The following RRM2B variants were observed in gnomAD, a reference collection of about 807,000 sequenced individuals.
RRM2B encodes the protein ribonucleotide reductase regulatory TP53 inducible subunit M2B.
A neutral mutation model predicts 45.9 loss-of-function variants in RRM2B; 20 were observed. The observed-to-expected ratio is 0.44, with a 90% confidence interval of 0.31 to 0.63. The LOEUF (loss-of-function observed/expected upper bound fraction) is 0.63. RRM2B is among the 30% of genes least tolerant of loss of function. RRM2B has a pLI of 0.09. For synonymous variants in RRM2B, 124 were observed against 132.3 expected (o/e 0.94, Z 0.43); for missense variants, 320 against 414.7 (o/e 0.77, Z 1.98).
At chr8:102,219,773 G>C (rs1810796469) in intron 5 of RRM2B, among the ~76,000 whole-genome samples, 1 of 152,210 alleles carries the variant, frequency 6.6e-6, no homozygotes, top group Non-Finnish European at 1.5e-5. Context: ...AAGACGGTGA[G>C]ATACAGGCAG....
intron 6 of RRM2B, among the ~76,000 whole-genome samples, chr8:102,217,920 G>A (rs1215624888): frequency 1.3e-5 from 2 of 152,022 alleles, no homozygotes; most frequent in Admixed American, 1.3e-4. Flanking sequence ...ATCGGATGTG[G>A]CTGAAAAAGA....
chr8:102,214,570 T>C (rs1423114227), intron 6 of RRM2B, among the ~76,000 whole-genome samples: 1 of 151,700 alleles, frequency 6.6e-6, no homozygotes, highest in African/African-American at 2.4e-5. Flanking sequence ...CAAAAATACA[T>C]TTATAATTAA....
chr8:102,224,084 C>T lies in RRM2B; in HGVS notation c.512G>A (p.Trp171Ter). The change falls in exon 5 of 9, where the codon TGG (tryptophan) becomes TAG (stop). Residue 171 changes from tryptophan (W) to a stop codon, truncating the protein, a stop_gained. Transcript: ENST00000251810. LOFTEE classifies it high-confidence loss of function. ...TMPYVKKKAD[W>*]ALRWIADRKS... ...TCTATCTGCTATCCATCGCAAGGCC[C>T]AATCTGCTTTTTTCTTAACATAGGG... 6.2e-7 allele frequency: 1 copy of T among 1,613,736 alleles called. No homozygotes were observed. Among genetic ancestry groups the T allele is most frequent in the East Asian group, 2.2e-5 (1 of 44,872 alleles).
chr8:102,219,104 G>A (rs757610107), intron 5 of RRM2B, 157 bp from the exon 6 acceptor site: 15 of 727,952 alleles, frequency 2.1e-5, no homozygotes, highest in South Asian at 8.7e-5. Flanking sequence ...GAGAAAATGC[G>A]CCACCTCTAC....
chr8:102,214,501 A>C, intron 6 of RRM2B: 1 of 271,024 alleles, frequency 3.7e-6, no homozygotes, highest in East Asian at 9.0e-5. Flanking sequence ...AATTTCAAAA[A>C]TAATTAAGGA....
chr8:102,226,631 T>C (rs1272308968), intron 2 of RRM2B, among the ~76,000 whole-genome samples: 1 of 152,198 alleles, frequency 6.6e-6, no homozygotes, highest in African/African-American at 2.4e-5. Flanking sequence ...ATTAGGCACC[T>C]ATTAACCAAC....
intron 2 of RRM2B, among the ~76,000 whole-genome samples, chr8:102,230,488 C>T (rs1180763336): frequency 1.3e-5 from 2 of 152,106 alleles, no homozygotes; most frequent in African/African-American, 4.8e-5. Context: ...CTGCGTATTC[C>T]ACTCGTTCTC....
intron 5 of RRM2B, among the ~76,000 whole-genome samples, chr8:102,222,814 T>C (rs1810858666): frequency 6.6e-6 from 1 of 151,880 alleles, no homozygotes; most frequent in African/African-American, 2.4e-5. Context: ...TTTAAAAGCA[T>C]GCTATTCTTT....
chr8:102,222,769 C>T (rs28927369), intron 5 of RRM2B, among the ~76,000 whole-genome samples: 1,542 of 152,232 alleles, frequency 0.01, 15 homozygotes, highest in African/African-American at 0.034. Flanking sequence ...CCAACTGTTT[C>T]CTATTAAGTC....
At chr8:102,235,610 G>A in intron 1 of RRM2B, among the ~76,000 whole-genome samples, 1 of 152,188 alleles carries the variant, frequency 6.6e-6, no homozygotes, top group East Asian at 1.9e-4. Context: ...GGAGGCCGAG[G>A]CGGGCGGATC....
chr8:102,229,804 C>T (rs1587183978), intron 2 of RRM2B, among the ~76,000 whole-genome samples: 3 of 152,124 alleles, frequency 2.0e-5, no homozygotes. Flanking sequence ...AGGTTGGTCT[C>T]AAACTCCTGA....
At position 102,231,608 on chromosome 8, in the gene RRM2B, T is replaced by G. The variant is rs1234472754; in HGVS notation, c.204+541A>C. On this transcript the variant is annotated intron_variant, in intron 2 of 8. Coordinates refer to ENST00000251810, the MANE Select transcript of RRM2B (RefSeq NM_015713.5). ...AATGTTGGCTGGGCGTGGTGGCTCA[T>G]GCCTGTAATCCCAGCACTTTGGGAG... Among the ~76,000 whole-genome samples, 3 of 151,868 alleles carry G rather than the reference T, an allele frequency of 2.0e-5. No individual in the cohort carries two copies. The East Asian group carries it at 5.8e-4, about 29-fold the overall frequency.
intron 1 of RRM2B, among the ~76,000 whole-genome samples, chr8:102,235,708 G>A (rs948038881): frequency 3.9e-5 from 6 of 152,142 alleles, no homozygotes; most frequent in African/African-American, 1.2e-4. Flanking sequence ...GCGTGGTGGC[G>A]TACGCCTGTA....
At chr8:102,226,513 A>AG (rs1268232644) in intron 2 of RRM2B, among the ~76,000 whole-genome samples, 2 of 152,106 alleles carry the variant, frequency 1.3e-5, no homozygotes, top group African/African-American at 2.4e-5. Flanking sequence ...CTAAAAGGGG[A>AG]GGGGGGAGAG....
At chr8:102,232,808 A>T (rs937273876) in intron 1 of RRM2B, among the ~76,000 whole-genome samples, 1 of 152,238 alleles carries the variant, frequency 6.6e-6, no homozygotes, top group East Asian at 1.9e-4. Context: ...TATAATACTT[A>T]TCTGAAAACT....
chr8:102,225,053 T>G lies in RRM2B; in HGVS notation c.322-35A>C, dbSNP rs1810906641. 3 of 1,611,734 alleles carry G rather than the reference T, an allele frequency of 1.9e-6. No individual in the cohort carries two copies. The African/African-American group carries it at 4.0e-5, about 22-fold the overall frequency. On this transcript the variant is annotated intron_variant, in intron 3 of 8. Coordinates refer to ENST00000251810, the MANE Select transcript of RRM2B (RefSeq NM_015713.5). Reference sequence around the variant, plus strand: ...TAAGGAAAATAGATATATCCAGTTCTATAGGCTCTCATTAAACACTGCAAA... The same window carrying G: ...TAAGGAAAATAGATATATCCAGTTCGATAGGCTCTCATTAAACACTGCAAA...
chr8:102,220,634 C>T (rs2132551121), intron 5 of RRM2B, among the ~76,000 whole-genome samples: 1 of 152,302 alleles, frequency 6.6e-6, no homozygotes, highest in South Asian at 2.1e-4. Context: ...GCTAAGGTCT[C>T]TCTACGTTGC....
At chr8:102,229,556 G>T (rs1361522459) in intron 2 of RRM2B, among the ~76,000 whole-genome samples, 1 of 151,660 alleles carries the variant, frequency 6.6e-6, no homozygotes, top group Non-Finnish European at 1.5e-5. Context: ...TTTAACTGAA[G>T]GACATCTTCT....
At chr8:102,224,205 A>T in intron 4 of RRM2B, 65 bp from the exon 5 acceptor site, 1 of 1,094,122 alleles carries the variant, frequency 9.1e-7, no homozygotes, top group South Asian at 1.2e-5. Flanking sequence ...TTTTTGAGAC[A>T]GAGTCTCGCT....
Sources: allele counts gnomAD v4.1 joint callset (sites outside exome capture counted in the v4.1 genomes callset), GRCh38; gene constraint gnomAD v4.1.1; transcripts MANE v1.5; gene names NCBI Gene and HGNC (gene_info 2026-07-23, HGNC 2026-07-21).